PTPRT: variants seen among roughly 807,000 people sequenced by gnomAD.
The protein encoded by PTPRT is protein tyrosine phosphatase receptor type T, also known as receptor-type tyrosine-protein phosphatase T.
PTPRT carries 56 observed loss-of-function variants against 176.8 expected under a neutral mutation model. That is an observed-to-expected ratio of 0.32 (90% CI 0.26 to 0.40). The LOEUF (loss-of-function observed/expected upper bound fraction) is 0.40. Among genes scored for constraint, PTPRT ranks in the 10% least tolerant of loss-of-function variants. PTPRT has a pLI of 1.00. For synonymous variants in PTPRT, 783 were observed against 739.0 expected, an observed-to-expected ratio of 1.06 and a Z score of -0.96; for missense variants, 1,540 against 1,908.2, an observed-to-expected ratio of 0.81 and a Z score of 3.60.
At chr20:43,119,900 CA>C (rs1290670743) in intron 1 of PTPRT, among the ~76,000 whole-genome samples, 3 of 152,184 alleles carry the variant, frequency 2.0e-5, no homozygotes, top group African/African-American at 7.2e-5. Context: ...GAGTCTCCAG[CA>C]AGGCCACATG....
intron 2 of PTPRT, among the ~76,000 whole-genome samples, chr20:42,822,546 C>T (rs565682772): frequency 3.3e-5 from 5 of 152,206 alleles, no homozygotes; most frequent in African/African-American, 1.2e-4. Flanking sequence ...CCAAAATTGA[C>T]CAATGAGATC....
rs573044491 is a variant in PTPRT, at chr20:43,001,090, G to T, written c.89-115158C>A. On this transcript the variant is annotated intron_variant, in intron 1 of 30. Transcript: ENST00000373187. Reference sequence around the variant, plus strand: ...CCAACCAGTTATTCATATAAAGGGTGAAAAAGGAGGAGGAGAAAAGAGAAG... The same window carrying T: ...CCAACCAGTTATTCATATAAAGGGTTAAAAAGGAGGAGGAGAAAAGAGAAG... Among the ~76,000 whole-genome samples, 5 of 152,202 alleles carry T rather than the reference G, an allele frequency of 3.3e-5. No homozygotes were observed. The East Asian group carries it at 9.6e-4, about 29-fold the overall frequency.
the PTPRT span, among the ~76,000 whole-genome samples, chr20:42,039,840 T>C: frequency 6.6e-6 from 1 of 151,880 alleles, no homozygotes; most frequent in African/African-American, 2.4e-5. Context: ...GTTTATTCAT[T>C]GATGGACACA....
chr20:43,154,073 C>T (rs1417120669), intron 1 of PTPRT, among the ~76,000 whole-genome samples: 1 of 152,214 alleles, frequency 6.6e-6, no homozygotes, highest in Non-Finnish European at 1.5e-5. Flanking sequence ...ACTGTCCTTA[C>T]AGGTGAGGTA....
At position 42,086,753 on chromosome 20, in the gene PTPRT, A is replaced by AATATATATATATAT. The variant is rs1555858329; in HGVS notation, c.3847-914_3847-901dup. 2.1e-3 allele frequency among the ~76,000 whole-genome samples: 205 copies of AATATATATATATAT among 95,458 alleles called. 12 individuals carry two copies. Among genetic ancestry groups the AATATATATATATAT allele is most frequent in the African/African-American group, 7.5e-3 (152 of 20,366 alleles). The allele number at this position is 95,458 out of a possible 152,430, so 62.6% of individuals were successfully genotyped here. On this transcript the variant is annotated intron_variant, in intron 27 of 30. Transcript: ENST00000373187. ...AAAAAAAAAAAAAAAAAAAAAAAAA[A>AATATATATATATAT]ATATATATATATATGGGTTTGACCT...
intron 7 of PTPRT, among the ~76,000 whole-genome samples, chr20:42,518,320 T>A (rs557590025): frequency 5.3e-5 from 8 of 152,144 alleles, no homozygotes; most frequent in African/African-American, 7.2e-5. Flanking sequence ...GATTTTTTTT[T>A]AAATCTAGGA....
intron 6 of PTPRT, among the ~76,000 whole-genome samples, chr20:42,743,252 T>C (rs2076638453): frequency 6.6e-6 from 1 of 152,168 alleles, no homozygotes; most frequent in African/African-American, 2.4e-5. Flanking sequence ...GGCATGCTAC[T>C]CTGATTAATA....
chr20:42,092,528 C>T (rs910755444), intron 27 of PTPRT, among the ~76,000 whole-genome samples: 1 of 152,192 alleles, frequency 6.6e-6, no homozygotes, highest in Non-Finnish European at 1.5e-5. Context: ...AGTACCAAGG[C>T]TACAATTTGA....
intron 7 of PTPRT, among the ~76,000 whole-genome samples, chr20:42,485,449 T>G (rs2071450538): frequency 6.6e-6 from 1 of 152,230 alleles, no homozygotes; most frequent in Non-Finnish European, 1.5e-5. Context: ...AATAGGGCAC[T>G]GGAATTAGAA....
At chr20:42,632,391 AT>A (rs1394986916) in intron 7 of PTPRT, among the ~76,000 whole-genome samples, 7 of 151,766 alleles carry the variant, frequency 4.6e-5, no homozygotes, top group Admixed American at 2.0e-4. Context: ...GGCCTGGCTA[AT>A]TTTTGCATTT....
intron 2 of PTPRT, among the ~76,000 whole-genome samples, chr20:42,801,454 C>T (rs2077530079): frequency 6.6e-6 from 1 of 152,206 alleles, no homozygotes; most frequent in Admixed American, 6.5e-5. Flanking sequence ...AGGCTAACCC[C>T]TCCACCAGTC....
chr20:42,890,342 A>T (rs565045430), intron 1 of PTPRT, among the ~76,000 whole-genome samples: 1 of 152,272 alleles, frequency 6.6e-6, no homozygotes, highest in South Asian at 2.1e-4. Flanking sequence ...TGAACTCAAG[A>T]CTACATAACC....
intron 15 of PTPRT, among the ~76,000 whole-genome samples, chr20:42,218,717 T>C (rs2055822358): frequency 6.6e-6 from 1 of 152,166 alleles, no homozygotes; most frequent in South Asian, 2.1e-4. Flanking sequence ...AGTCTTAGAG[T>C]AGCAGATGGC....
chr20:42,090,963 T>C (rs1217192770), intron 27 of PTPRT, among the ~76,000 whole-genome samples: 1 of 152,236 alleles, frequency 6.6e-6, no homozygotes, highest in Admixed American at 6.5e-5. Context: ...TACCCTTTCT[T>C]TTCCAGTGGT....
At chr20:42,473,604 C>T (rs995541274) in intron 7 of PTPRT, among the ~76,000 whole-genome samples, 61 of 152,116 alleles carry the variant, frequency 4.0e-4, no homozygotes, top group Admixed American at 3.9e-3. Flanking sequence ...GCCTCAGCCT[C>T]ACATGTAGGT....
chr20:42,764,061 C>A (rs542167830), intron 5 of PTPRT, among the ~76,000 whole-genome samples: 1 of 152,308 alleles, frequency 6.6e-6, no homozygotes, highest in African/African-American at 2.4e-5. Flanking sequence ...ACCTTGTGAG[C>A]CTCCAAATAA....
intron 7 of PTPRT, among the ~76,000 whole-genome samples, chr20:42,614,863 G>C (rs1409039528): frequency 6.6e-6 from 1 of 151,978 alleles, no homozygotes. Flanking sequence ...ACGTGGATAG[G>C]TGGTCTCAGG....
intron 9 of PTPRT, among the ~76,000 whole-genome samples, chr20:42,411,937 A>G (rs1450623288): frequency 1.3e-5 from 2 of 152,214 alleles, no homozygotes; most frequent in Non-Finnish European, 2.9e-5. Context: ...ACCTAGACCC[A>G]TACCTTGCAC....
At chr20:42,874,048 A>G (rs1017933854) in intron 2 of PTPRT, among the ~76,000 whole-genome samples, 1 of 152,192 alleles carries the variant, frequency 6.6e-6, no homozygotes, top group African/African-American at 2.4e-5. Flanking sequence ...CACTTGCAGG[A>G]GCTCTAGCCC....
Sources: gnomAD v4.1 joint callset for allele counts (sites outside exome capture counted in the v4.1 genomes callset) on GRCh38, gnomAD v4.1.1 for gene constraint, MANE v1.5 for transcripts, NCBI Gene and HGNC (gene_info 2026-07-23, HGNC 2026-07-21) for gene names.